The following SNTG1 variants were observed in gnomAD, a reference collection of about 807,000 sequenced individuals.
SNTG1 encodes gamma-1-syntrophin.
A neutral mutation model predicts 74.7 loss-of-function variants in SNTG1; 39 were observed. The ratio of observed to expected loss-of-function variants is 0.52; its 90% CI spans 0.40 to 0.68. The LOEUF (loss-of-function observed/expected upper bound fraction) is 0.68, where lower values mean the gene tolerates loss of function less well. SNTG1 is among the 30% of genes least tolerant of loss of function. The probability of loss-of-function intolerance (pLI) is 0.00; values close to 1 mark genes in which losing one functional copy is unlikely to be tolerated. For missense variants in SNTG1, 685 were observed against 609.5 expected (o/e 1.12, Z -1.30); for synonymous variants, 254 against 217.1 (o/e 1.17, Z -1.49).
intron 1 of SNTG1, among the ~76,000 whole-genome samples, chr8:49,943,730 T>C (rs1808905662): frequency 6.6e-6 from 1 of 152,264 alleles, no homozygotes. Flanking sequence ...TACTTTCAGA[T>C]TACATTGCAT....
At chr8:50,377,289 C>T (rs998700776) in intron 2 of SNTG1, among the ~76,000 whole-genome samples, 3 of 152,018 alleles carry the variant, frequency 2.0e-5, no homozygotes, top group African/African-American at 7.2e-5. Flanking sequence ...AATATTTATA[C>T]CCATTTATAT....
At chr8:50,198,262 G>A (rs2035596) in intron 2 of SNTG1, among the ~76,000 whole-genome samples, 254 of 152,290 alleles carry the variant, frequency 1.7e-3, no homozygotes, top group African/African-American at 5.9e-3. Flanking sequence ...TGAATCCGCC[G>A]GCTCTGAAGG....
At chr8:50,655,356 T>C (rs2095173525) in intron 13 of SNTG1, among the ~76,000 whole-genome samples, 2 of 152,216 alleles carry the variant, frequency 1.3e-5, no homozygotes, top group Non-Finnish European at 2.9e-5. Flanking sequence ...TGATCAACTA[T>C]ACCTGGCCAT....
chr8:50,671,771 A>G (rs1432659444), intron 15 of SNTG1, among the ~76,000 whole-genome samples: 1 of 152,022 alleles, frequency 6.6e-6, no homozygotes, highest in Non-Finnish European at 1.5e-5. Flanking sequence ...ACTATTCACA[A>G]TAGCAAAGAC....
chr8:50,164,483 A>G (rs993905114), intron 1 of SNTG1: 2 of 152,362 alleles, frequency 1.3e-5, no homozygotes, highest in East Asian at 1.9e-4. Flanking sequence ...GTTCTGCAAA[A>G]TCAAAAGATA....
At chr8:50,740,794 G>A (rs183231247) in intron 17 of SNTG1, among the ~76,000 whole-genome samples, 33 of 152,116 alleles carry the variant, frequency 2.2e-4, no homozygotes, top group African/African-American at 7.7e-4. Context: ...ATACACCATG[G>A]AATACTAAGC....
intron 2 of SNTG1, among the ~76,000 whole-genome samples, chr8:50,229,260 T>A (rs780227233): frequency 7.3e-5 from 11 of 151,588 alleles, no homozygotes; most frequent in Non-Finnish European, 1.5e-4. Flanking sequence ...ATTAATTCAA[T>A]AATTATTTCA....
upstream of SNTG1, chr8:49,911,227 T>A (rs1216575121): frequency 1.3e-5 from 2 of 152,184 alleles, no homozygotes; most frequent in East Asian, 3.9e-4. Flanking sequence ...GTAATCAAGA[T>A]TGCGGAGTTT....
At chr8:50,057,643 T>C (rs1563532735) in intron 1 of SNTG1, among the ~76,000 whole-genome samples, 1 of 152,082 alleles carries the variant, frequency 6.6e-6, no homozygotes, top group Non-Finnish European at 1.5e-5. Context: ...ATAAGATATA[T>C]AGTAAGGCCT....
At chr8:49,938,651 T>TTTCTTTCTTTCTTTCTTTCTTTCCTTC (rs1563371342) in intron 1 of SNTG1, among the ~76,000 whole-genome samples, 1 of 52,632 alleles carries the variant, frequency 1.9e-5, no homozygotes, top group African/African-American at 5.2e-5. Flanking sequence ...TTCCTTCCTC[T>TTTCTTTCTTTCTTTCTTTCTTTCCTTC]CTCTCTCTCT....
At chr8:50,124,748 G>A (rs1238594385) in intron 1 of SNTG1, among the ~76,000 whole-genome samples, 1 of 141,056 alleles carries the variant, frequency 7.1e-6, no homozygotes, top group Non-Finnish European at 1.6e-5. Context: ...GCTAGGCAGT[G>A]AGGAAGAAAA....
At chr8:49,980,372 A>G (rs1186870168) in intron 1 of SNTG1, among the ~76,000 whole-genome samples, 1 of 151,942 alleles carries the variant, frequency 6.6e-6, no homozygotes, top group Non-Finnish European at 1.5e-5. Flanking sequence ...TAGCAGACGG[A>G]GCCCTGAGCT....
At chr8:50,037,527 T>C (rs963479569) in intron 1 of SNTG1, among the ~76,000 whole-genome samples, 1 of 152,240 alleles carries the variant, frequency 6.6e-6, no homozygotes, top group African/African-American at 2.4e-5. Context: ...GATAAATAGT[T>C]AGAAGGTAAA....
At chr8:50,302,662 C>A (rs1306997214) in intron 2 of SNTG1, among the ~76,000 whole-genome samples, 2 of 152,040 alleles carry the variant, frequency 1.3e-5, no homozygotes, top group Non-Finnish European at 2.9e-5. Flanking sequence ...GGTGTGAACT[C>A]CTGAGAAGCG....
At chr8:49,940,268 A>G (rs1808563664) in intron 1 of SNTG1, among the ~76,000 whole-genome samples, 1 of 152,170 alleles carries the variant, frequency 6.6e-6, no homozygotes, top group Non-Finnish European at 1.5e-5. Context: ...AATGCCTCGA[A>G]AGACAGAGGA....
chr8:50,573,401 T>A lies in SNTG1; in HGVS notation c.811-17478T>A, dbSNP rs1039289867. Among the ~76,000 whole-genome samples the A allele has an allele frequency of 2.6e-5, 4 of 151,966 alleles. No homozygotes were observed. In the East Asian group the frequency reaches 7.7e-4, roughly 29 times the overall value. ...TCTTTATTAAAATCAGTTGTAAAAC[T>A]GGCTCTATTTAATGGATCTATAATA... On this transcript the variant is annotated intron_variant, in intron 12 of 18. Coordinates refer to ENST00000642720, the MANE Select transcript of SNTG1 (RefSeq NM_018967.5).
At chr8:50,538,253 C>T (rs375891364) in intron 11 of SNTG1, among the ~76,000 whole-genome samples, 36 of 152,118 alleles carry the variant, frequency 2.4e-4, no homozygotes, top group African/African-American at 7.9e-4. Flanking sequence ...AACACTATAT[C>T]GGGTGGTATT....
intron 9 of SNTG1, among the ~76,000 whole-genome samples, chr8:50,503,088 T>G (rs2093977808): frequency 6.8e-6 from 1 of 146,864 alleles, no homozygotes; most frequent in Non-Finnish European, 1.5e-5. Flanking sequence ...TTACAGTTTT[T>G]TCTAACCTAC....
intron 1 of SNTG1, among the ~76,000 whole-genome samples, chr8:50,016,338 C>T (rs943313647): frequency 1.3e-5 from 2 of 152,130 alleles, no homozygotes; most frequent in Admixed American, 6.6e-5. Context: ...AAATTTTTCA[C>T]TCAGCTCATG....
Sources: gnomAD v4.1 joint callset for allele counts (sites outside exome capture counted in the v4.1 genomes callset) on GRCh38, gnomAD v4.1.1 for gene constraint, MANE v1.5 for transcripts, NCBI Gene and HGNC (gene_info 2026-07-23, HGNC 2026-07-21) for gene names.